The following ADM variants were observed in gnomAD, a reference collection of about 807,000 sequenced individuals.
ADM encodes adrenomedullin.
Under a neutral mutation model 9.0 loss-of-function variants are expected in ADM, and 4 were observed. The observed-to-expected ratio is 0.44, with a 90% CI of 0.22 to 1.02. The LOEUF (loss-of-function observed/expected upper bound fraction) is 1.02, where lower values mean the gene tolerates loss of function less well. Ranked by LOEUF, ADM falls within the 50% of genes least tolerant of loss-of-function variation. ADM has a pLI of 0.24. For synonymous variants in ADM, 107 were observed against 107.2 expected (o/e 1.00, Z 0.01); for missense variants, 253 against 254.1 (o/e 1.00, Z 0.03).
Position 10,306,389 on chromosome 11 carries a change from C to T in ADM, c.306C>T (p.Phe102=). The change falls in exon 4 of 4, where the codon TTC becomes TTT. Residue 102 remains phenylalanine (F), a synonymous_variant. Coordinates refer to ENST00000278175, the MANE Select transcript of ADM (RefSeq NM_001124.3). ...VKRYRQSMNN[F]QGLRSFGCRF... ...GCTACCGCCAGAGCATGAACAACTT[C>T]CAGGGCCTCCGGAGCTTTGGCTGCC... 4 of 1,612,902 alleles carry T rather than the reference C, an allele frequency of 2.5e-6. No individual in the cohort carries two copies. Among genetic ancestry groups the T allele is most frequent in the South Asian group, 1.1e-5 (1 of 91,034 alleles).
At chr11:10,306,127 G>A (rs200335916) in intron 3 of ADM, 29 bp downstream of exon 3, 32 of 1,609,610 alleles carry the variant, frequency 2.0e-5, no homozygotes, top group Non-Finnish European at 1.7e-6. Flanking sequence ...GTCCAGGGAC[G>A]GGAGGGAAGG....
In ADM at chr11:10,306,548, C is replaced by T. The variant is rs753216941; in HGVS notation, c.465C>T (p.Pro155=). The change falls in exon 4 of 4, where the codon CCC becomes CCT. Residue 155 remains proline, a synonymous_variant. Transcript: ENST00000278175. ...GCCGCCGGCGCCGGCGCTCCCTGCC[C>T]GAGGCCGGCCCGGGTCGGACTCTGG... The part of the protein sequence containing the change: ...GYGRRRRRSL[P]EAGPGRTLVS... 1 of 1,611,890 alleles carries T rather than the reference C, an allele frequency of 6.2e-7. No individual in the cohort carries two copies. Among genetic ancestry groups the T allele is most frequent in the South Asian group, 1.1e-5 (1 of 90,940 alleles).
intron 1 of ADM, 173 bp from the exon 2 acceptor site, chr11:10,305,507 C>A: frequency 1.7e-6 from 1 of 596,148 alleles, no homozygotes; most frequent in Non-Finnish European, 2.9e-6. Context: ...GTCACCCGGC[C>A]GGCGCGTGCA....
chr11:10,305,594 C>T (rs1964644569), intron 1 of ADM, 86 bp from the exon 2 acceptor site: 3 of 1,197,746 alleles, frequency 2.5e-6, no homozygotes, highest in Admixed American at 1.9e-5. Context: ...CCCGCCTCGC[C>T]GGGGCCCCTG....
At position 10,306,344 on chromosome 11, in the gene ADM, C is replaced by A. The variant is rs767028428; in HGVS notation, c.261C>A (p.Ala87=). ...SRSPEDSSPD[A]ARIRVKRYRQ... ...CCCCCGCCCGCAGCAGTCCGGATGC[C>A]GCCCGCATCCGAGTCAAGCGCTACC... The change falls in exon 4 of 4, where the codon GCC becomes GCA. Residue 87 remains alanine (A), a synonymous_variant. Transcript: ENST00000278175. The A allele has an allele frequency of 6.2e-7, 1 of 1,609,778 alleles. No homozygotes were observed. The highest frequency in any genetic ancestry group is 1.3e-5 in the African/African-American group (1 of 74,178).
At chr11:10,306,311 T>TGGGGGGGGGGGGGG in intron 3 of ADM, 21 bp from the exon 4 acceptor site, 3 of 1,543,764 alleles carry the variant, frequency 1.9e-6, no homozygotes, top group Non-Finnish European at 2.7e-6. Flanking sequence ...TTGCCTTTCT[T>TGGGGGGGGGGGGGG]CCCCCTCCCC....
chr11:10,306,545 G>T lies in ADM; in HGVS notation c.462G>T (p.Leu154=). The change falls in exon 4 of 4, where the codon CTG becomes CTT. Residue 154 remains leucine, a synonymous_variant. Coordinates refer to ENST00000278175, the MANE Select transcript of ADM (RefSeq NM_001124.3). ...QGYGRRRRRS[L]PEAGPGRTLV... is the part of the protein sequence containing the mutation. ...ACGGCCGCCGGCGCCGGCGCTCCCT[G>T]CCCGAGGCCGGCCCGGGTCGGACTC... The T allele has an allele frequency of 6.2e-7, 1 of 1,601,750 alleles. No individual in the cohort carries two copies. Among genetic ancestry groups the T allele is most frequent in the Non-Finnish European group, 8.5e-7 (1 of 1,173,050 alleles).
At chr11:10,306,222 A>G in intron 3 of ADM, 110 bp from the exon 4 acceptor site, 26 of 1,533,160 alleles carry the variant, frequency 1.7e-5, no homozygotes, top group Non-Finnish European at 2.3e-5. Flanking sequence ...TGGCGCGAGC[A>G]GTTTCCAGCT....
Position 10,306,743 on chromosome 11 carries a change from G to A in ADM, c.*102G>A. 1 of 1,245,828 alleles carries A rather than the reference G, an allele frequency of 8.0e-7. No homozygotes were observed. Among genetic ancestry groups the A allele is most frequent in the Non-Finnish European group, 1.1e-6 (1 of 919,858 alleles). The allele number at this position is 1,245,828 out of a possible 1,614,324, so 77.2% of individuals were successfully genotyped here. A position where few individuals can be genotyped will look rare whatever the true frequency, so the allele number is the denominator to read the frequency against. ...GCGGTGTGGGGACCGGGCTCTGACA[G>A]CCCTGCGGAGACCCTGAGTCCGGGA... is the stretch of plus-strand genomic sequence containing the variant. On this transcript the variant is annotated 3_prime_UTR_variant, in exon 4 of 4. Transcript: ENST00000278175.
chr11:10,306,201 C>T, intron 3 of ADM, 103 bp downstream of exon 3: 1 of 1,542,000 alleles, frequency 6.5e-7, no homozygotes, highest in South Asian at 1.2e-5. Flanking sequence ...GGGGCTGGAC[C>T]GCAGCTCAGA....
chr11:10,305,639 G>T (rs1964645166), intron 1 of ADM, 41 bp from the exon 2 acceptor site: 1 of 1,560,820 alleles, frequency 6.4e-7, no homozygotes, highest in African/African-American at 1.3e-5. Context: ...CGGTGCAGCT[G>T]GCCCGGGTGC....
At position 10,306,667 on chromosome 11, in the gene ADM, A is replaced by G; in HGVS notation, c.*26A>G. ...GATTTAGGCGCCCATGGTACAAGGA[A>G]TAGTCGCGCAAGCATCCCGCTGGTG... On this transcript the variant is annotated 3_prime_UTR_variant, in exon 4 of 4. Coordinates refer to ENST00000278175, the MANE Select transcript of ADM (RefSeq NM_001124.3). 2.0e-6 allele frequency: 3 copies of G among 1,500,512 alleles called. No individual in the cohort carries two copies. The highest frequency in any genetic ancestry group is 2.7e-6 in the Non-Finnish European group (3 of 1,125,720). The allele number at this position is 1,500,512 out of a possible 1,614,324, so 92.9% of individuals were successfully genotyped here. A position where few individuals can be genotyped will look rare whatever the true frequency, so the allele number is the denominator to read the frequency against.
rs776168196 is a variant in ADM, at chr11:10,306,267, T to C, written c.249-65T>C. On this transcript the variant is annotated intron_variant, in intron 3 of 3. Transcript: ENST00000278175. Reference sequence around the variant, plus strand: ...TCTAGAATGGCTCCCGTTCCCGGTGTTGGGGCCAAAGCTCTGCTTGATGGG... The same window carrying C: ...TCTAGAATGGCTCCCGTTCCCGGTGCTGGGGCCAAAGCTCTGCTTGATGGG... 8 of 1,573,866 alleles carry C rather than the reference T, an allele frequency of 5.1e-6. No homozygotes were observed. In the Admixed American group the frequency reaches 5.2e-5, roughly 10 times the overall value.
chr11:10,306,256 C>G lies in ADM; in HGVS notation c.249-76C>G, dbSNP rs934960667. 45 of 1,561,154 alleles carry G rather than the reference C, an allele frequency of 2.9e-5. 1 individual carries two copies. The Admixed American group carries it at 7.4e-4, about 26-fold the overall frequency. Reference sequence around the variant, plus strand: ...CTCCCTCTGGCTCTAGAATGGCTCCCGTTCCCGGTGTTGGGGCCAAAGCTC... The same window carrying G: ...CTCCCTCTGGCTCTAGAATGGCTCCGGTTCCCGGTGTTGGGGCCAAAGCTC... On this transcript the variant is annotated intron_variant, in intron 3 of 3. Transcript: ENST00000278175.
chr11:10,306,314 C>A lies in ADM; in HGVS notation c.249-18C>A. On this transcript the variant is annotated intron_variant, in intron 3 of 3. Transcript: ENST00000278175. The stretch of plus-strand genomic sequence containing the variant: ...TGGGGTCTCAAGTTGCCTTTCTTCC[C>A]CCTCCCCCCGCCCGCAGCAGTCCGG... 6 of 791,098 alleles carry A rather than the reference C, an allele frequency of 7.6e-6. No individual in the cohort carries two copies. The highest frequency in any genetic ancestry group is 1.2e-5 in the Non-Finnish European group (6 of 499,168). 49.0% of individuals were successfully genotyped at this position (791,098 alleles called of 1,614,324 possible). A position where few individuals can be genotyped will look rare whatever the true frequency, so the allele number is the denominator to read the frequency against.
chr11:10,306,451 A>G lies in ADM; in HGVS notation c.368A>G (p.Gln123Arg), dbSNP rs1964658198. The change falls in exon 4 of 4, where the codon CAG (glutamine) becomes CGG (arginine). Residue 123 changes from glutamine (Q) to arginine (R), a missense_variant. Transcript: ENST00000278175. ...TGCACGGTGCAGAAGCTGGCACACCAGATCTACCAGTTCACAGATAAGGAC... is the reference window on the plus strand; with the variant it reads ...TGCACGGTGCAGAAGCTGGCACACCGGATCTACCAGTTCACAGATAAGGAC... ...GTCTVQKLAH[Q>R]IYQFTDKDKD... The G allele has an allele frequency of 6.2e-7, 1 of 1,613,416 alleles. No homozygotes were observed. Among genetic ancestry groups the G allele is most frequent in the Non-Finnish European group, 8.5e-7 (1 of 1,179,900 alleles).
intron 1 of ADM, 189 bp downstream of exon 1, chr11:10,305,418 C>T: frequency 4.1e-6 from 2 of 482,354 alleles, no homozygotes; most frequent in Non-Finnish European, 7.5e-6. Flanking sequence ...CCCCTCTGCT[C>T]CGTCAGCCAA....
In ADM at chr11:10,306,563, T is replaced by C. The variant is rs1964661090; in HGVS notation, c.480T>C (p.Gly160=). ...RRRSLPEAGP[G]RTLVSSKPQA... ...GCTCCCTGCCCGAGGCCGGCCCGGG[T>C]CGGACTCTGGTGTCTTCTAAGCCAC... The change falls in exon 4 of 4, where the codon GGT becomes GGC. Residue 160 remains glycine, a synonymous_variant. Transcript: ENST00000278175. The C allele has an allele frequency of 6.2e-7, 1 of 1,611,396 alleles. No individual in the cohort carries two copies. Among genetic ancestry groups the C allele is most frequent in the African/African-American group, 1.3e-5 (1 of 74,662 alleles).
Position 10,306,539 on chromosome 11 carries a change from C to A in ADM, c.456C>A (p.Arg152=). 1 of 1,612,210 alleles carries A rather than the reference C, an allele frequency of 6.2e-7. No individual in the cohort carries two copies. Among genetic ancestry groups the A allele is most frequent in the Non-Finnish European group, 8.5e-7 (1 of 1,179,380 alleles). Residue 152 remains arginine, a synonymous_variant, in exon 4 of 4, where the codon CGC becomes CGA. Coordinates refer to ENST00000278175, the MANE Select transcript of ADM (RefSeq NM_001124.3). ...AGGGCTACGGCCGCCGGCGCCGGCGCTCCCTGCCCGAGGCCGGCCCGGGTC... is the reference window on the plus strand; with the variant it reads ...AGGGCTACGGCCGCCGGCGCCGGCGATCCCTGCCCGAGGCCGGCCCGGGTC... ...SPQGYGRRRR[R]SLPEAGPGRT...
Sources: allele counts gnomAD v4.1 joint callset, GRCh38; gene constraint gnomAD v4.1.1; transcripts MANE v1.5; gene names NCBI Gene and HGNC (gene_info 2026-07-23, HGNC 2026-07-21).